CSMD2: variants seen among roughly 807,000 people sequenced by gnomAD.
The protein encoded by CSMD2 is CUB and Sushi multiple domains 2, also known as CUB and sushi domain-containing protein 2.
CSMD2 carries 130 observed loss-of-function variants against 398.5 expected under a neutral mutation model. That is an observed-to-expected ratio of 0.33 (90% CI 0.28 to 0.38). CSMD2 has a LOEUF of 0.38. Among genes scored for constraint, CSMD2 ranks in the 10% least tolerant of loss-of-function variants. The pLI is 1.00. For synonymous variants in CSMD2, 1,828 were observed against 1,908.5 expected, an observed-to-expected ratio of 0.96 and a Z score of 1.10; for missense variants, 3,829 against 4,764.9, an observed-to-expected ratio of 0.80 and a Z score of 5.78.
At chr1:34,080,922 G>GAAAGAAAGAAAGAAAGAAAGAA (rs1656999748) in intron 2 of CSMD2, among the ~76,000 whole-genome samples, 1 of 2,968 alleles carries the variant, frequency 3.4e-4, no homozygotes, top group Admixed American at 3.6e-3. Flanking sequence ...TAACTGAGTG[G>GAAAGAAAGAAAGAAAGAAAGAA]AAAGAAAGAA....
At chr1:33,743,644 C>A (rs761231985) in intron 13 of CSMD2, 38 bp from the exon 14 acceptor site, 10 of 1,444,736 alleles carry the variant, frequency 6.9e-6, no homozygotes, top group Non-Finnish European at 9.5e-6. Flanking sequence ...TAAGCATCCC[C>A]AACATTCTGC....
At chr1:33,675,016 A>G (rs1332796895) in intron 25 of CSMD2, among the ~76,000 whole-genome samples, 1 of 152,250 alleles carries the variant, frequency 6.6e-6, no homozygotes, top group Admixed American at 6.5e-5. Flanking sequence ...GGAAAGATCC[A>G]AAATTGACAT....
intron 47 of CSMD2, among the ~76,000 whole-genome samples, chr1:33,581,608 A>AATAC (rs569587498): frequency 6.6e-6 from 1 of 151,882 alleles, no homozygotes; most frequent in South Asian, 2.1e-4. Context: ...TTATGGAATG[A>AATAC]ATACATAGCA....
At chr1:33,940,308 G>A (rs1644624889) in intron 3 of CSMD2, among the ~76,000 whole-genome samples, 1 of 152,060 alleles carries the variant, frequency 6.6e-6, no homozygotes, top group Non-Finnish European at 1.5e-5. Context: ...CATCTGCAAA[G>A]ACCCTGTTCC....
intron 1 of CSMD2, among the ~76,000 whole-genome samples, chr1:34,155,944 G>A (rs1270258450): frequency 1.3e-5 from 2 of 152,202 alleles, no homozygotes; most frequent in African/African-American, 4.8e-5. Context: ...TGTTCACATA[G>A]GTGGTTAGGG....
intron 12 of CSMD2, among the ~76,000 whole-genome samples, chr1:33,786,504 A>G (rs1369476388): frequency 2.6e-5 from 4 of 152,224 alleles, no homozygotes; most frequent in Non-Finnish European, 5.9e-5. Flanking sequence ...GCACCGGAAC[A>G]GCCCGCTCAT....
intron 3 of CSMD2, among the ~76,000 whole-genome samples, chr1:34,022,975 G>A (rs954170088): frequency 6.6e-6 from 1 of 152,106 alleles, no homozygotes; most frequent in Non-Finnish European, 1.5e-5. Flanking sequence ...AGGGCTACGG[G>A]TACATACCAC....
In CSMD2 at chr1:34,031,765, CAAAAAAAAA is replaced by C. The variant is rs556094322; in HGVS notation, c.517+820_517+828del. Among the ~76,000 whole-genome samples the C allele has an allele frequency of 2.7e-4, 19 of 71,256 alleles. 1 individual carries two copies. The highest frequency in any genetic ancestry group is 1.0e-3 in the African/African-American group (19 of 18,190). The allele number at this position is 71,256 out of a possible 152,430, so 46.7% of individuals were successfully genotyped here. On this transcript the variant is annotated intron_variant, in intron 3 of 70. Coordinates refer to ENST00000373381, the MANE Select transcript of CSMD2 (RefSeq NM_001281956.2). ...TTAAGTTCTTAAACAAAGGCAAAGG[CAAAAAAAAA>C]AAAAAAAAAAAAAAGCTTTTGGATA...
intron 21 of CSMD2, among the ~76,000 whole-genome samples, chr1:33,712,421 C>A (rs1646023230): frequency 6.6e-6 from 1 of 152,180 alleles, no homozygotes; most frequent in South Asian, 2.1e-4. Context: ...ACTAAATCAT[C>A]CAATTTGCAT....
chr1:33,867,509 G>A (rs752793294), intron 5 of CSMD2, among the ~76,000 whole-genome samples: 2 of 152,232 alleles, frequency 1.3e-5, no homozygotes, highest in Non-Finnish European at 2.9e-5. Context: ...TAAACCATAT[G>A]AGTGTATTTT....
chr1:33,945,490 C>A (rs534360929), intron 3 of CSMD2, among the ~76,000 whole-genome samples: 26 of 152,136 alleles, frequency 1.7e-4, no homozygotes, highest in Admixed American at 3.3e-4. Context: ...CTAGACCCTG[C>A]CTTTAAGGAA....
chr1:33,591,058 G>A (rs963483706), intron 44 of CSMD2, among the ~76,000 whole-genome samples: 2 of 134,676 alleles, frequency 1.5e-5, no homozygotes, highest in Non-Finnish European at 1.5e-5. Flanking sequence ...GTGCGATCTC[G>A]GCTCATGGCA....
chr1:33,842,309 C>T (rs1162869539), intron 6 of CSMD2, among the ~76,000 whole-genome samples: 1 of 152,176 alleles, frequency 6.6e-6, no homozygotes, highest in Admixed American at 6.5e-5. Context: ...TTACCAATTC[C>T]CCAAGATTCT....
chr1:34,117,974 G>A (rs1480299528), intron 1 of CSMD2, among the ~76,000 whole-genome samples: 1 of 152,062 alleles, frequency 6.6e-6, no homozygotes, highest in Non-Finnish European at 1.5e-5. Context: ...AGCACTTTGG[G>A]AAGCTGAGGC....
At chr1:33,663,163 C>T (rs1644195153) in intron 25 of CSMD2, 71 bp from the exon 26 acceptor site, 3 of 1,333,056 alleles carry the variant, frequency 2.3e-6, no homozygotes, top group Non-Finnish European at 3.2e-6. Flanking sequence ...GTCAGAAGGT[C>T]CTAAACCTAC....
chr1:33,623,787 G>A (rs1487607531), intron 35 of CSMD2, among the ~76,000 whole-genome samples: 1 of 152,184 alleles, frequency 6.6e-6, no homozygotes, highest in Non-Finnish European at 1.5e-5. Context: ...ATGTTCCTTG[G>A]GTTTCCCCAC....
Position 33,724,331 on chromosome 1 carries a change from A to G in CSMD2, c.2885-18T>C, listed in dbSNP as rs532283089. On this transcript the variant is annotated intron_variant, in intron 18 of 70. Coordinates refer to ENST00000373381, the MANE Select transcript of CSMD2 (RefSeq NM_001281956.2). The stretch of plus-strand genomic sequence containing the variant: ...ACAGAGAGCTACAGAAGGAGTGAAG[A>G]GGGCAGTGAAAGACCAGAGGGCCTC... 1 of 1,591,288 alleles carries G rather than the reference A, an allele frequency of 6.3e-7. No homozygotes were observed. Among genetic ancestry groups the G allele is most frequent in the African/African-American group, 1.3e-5 (1 of 74,616 alleles).
chr1:34,061,012 C>A (rs910583809), intron 2 of CSMD2, among the ~76,000 whole-genome samples: 6 of 152,098 alleles, frequency 3.9e-5, no homozygotes, highest in Admixed American at 3.3e-4. Context: ...AATCCGTAGC[C>A]GTGGAAGAGT....
At chr1:33,749,133 T>C in intron 13 of CSMD2, among the ~76,000 whole-genome samples, 1 of 134,794 alleles carries the variant, frequency 7.4e-6, no homozygotes, top group Non-Finnish European at 1.5e-5. Flanking sequence ...GGAGTCTCGC[T>C]GTCACCCAGG....
Sources: gnomAD v4.1 joint callset for allele counts (sites outside exome capture counted in the v4.1 genomes callset) on GRCh38, gnomAD v4.1.1 for gene constraint, MANE v1.5 for transcripts, NCBI Gene and HGNC (gene_info 2026-07-23, HGNC 2026-07-21) for gene names.